The following SGCZ variants were observed in gnomAD, a reference collection of about 807,000 sequenced individuals.
SGCZ encodes zeta-sarcoglycan.
Under a neutral mutation model 41.3 loss-of-function variants are expected in SGCZ, and 40 were observed. The observed-to-expected ratio is 0.97, with a 90% CI of 0.75 to 1.26. The LOEUF is 1.26. Among genes scored for constraint, SGCZ ranks in the 50% most tolerant of loss-of-function variants. The probability of loss-of-function intolerance (pLI) is 0.00; values close to 1 mark genes in which losing one functional copy is unlikely to be tolerated. For synonymous variants in SGCZ, 206 were observed against 137.5 expected, an observed-to-expected ratio of 1.50 and a Z score of -3.49; for missense variants, 552 against 369.8, an observed-to-expected ratio of 1.49 and a Z score of -4.04.
At chr8:14,664,742 A>C (rs1807853585) in intron 1 of SGCZ, among the ~76,000 whole-genome samples, 1 of 152,228 alleles carries the variant, frequency 6.6e-6, no homozygotes, top group Admixed American at 6.5e-5. Flanking sequence ...ATCTAATATC[A>C]GCTGTTGACA....
intron 2 of SGCZ, among the ~76,000 whole-genome samples, chr8:14,433,328 G>A (rs1478640572): frequency 6.6e-6 from 1 of 152,118 alleles, no homozygotes; most frequent in Non-Finnish European, 1.5e-5. Context: ...TGTCCACTCT[G>A]TGCTAGATAT....
At chr8:14,942,409 T>A (rs1397095913) in intron 1 of SGCZ, among the ~76,000 whole-genome samples, 1 of 152,158 alleles carries the variant, frequency 6.6e-6, no homozygotes, top group Non-Finnish European at 1.5e-5. Flanking sequence ...AGTTAGCAAT[T>A]AATTCCTGGG....
intron 1 of SGCZ, among the ~76,000 whole-genome samples, chr8:14,570,387 A>C (rs1804514224): frequency 6.6e-6 from 1 of 152,126 alleles, no homozygotes. Flanking sequence ...TGAAATCTTA[A>C]ATTTCAATAC....
intron 2 of SGCZ, among the ~76,000 whole-genome samples, chr8:14,514,829 A>G (rs975888789): frequency 1.9e-4 from 28 of 147,522 alleles, no homozygotes; most frequent in African/African-American, 6.6e-4. Flanking sequence ...ATACACGCAC[A>G]CACACACACA....
intron 2 of SGCZ, among the ~76,000 whole-genome samples, chr8:14,473,468 C>T (rs947033513): frequency 6.6e-6 from 1 of 152,064 alleles, no homozygotes; most frequent in Non-Finnish European, 1.5e-5. Flanking sequence ...AGAAAGTATA[C>T]ATAACATTAA....
At chr8:15,079,209 C>G (rs1805654315) in intron 1 of SGCZ, among the ~76,000 whole-genome samples, 1 of 152,136 alleles carries the variant, frequency 6.6e-6, no homozygotes, top group African/African-American at 2.4e-5. Flanking sequence ...GTATTCACTA[C>G]CAGTCTTTAT....
chr8:14,100,563 T>C (rs1343400714), intron 7 of SGCZ, among the ~76,000 whole-genome samples: 1 of 107,128 alleles, frequency 9.3e-6, no homozygotes, highest in Non-Finnish European at 2.0e-5. Flanking sequence ...TAATATATTA[T>C]ATATTAATAT....
At chr8:14,444,599 G>A (rs570995032) in intron 2 of SGCZ, among the ~76,000 whole-genome samples, 24 of 150,130 alleles carry the variant, frequency 1.6e-4, no homozygotes, top group African/African-American at 5.6e-4. Flanking sequence ...ACTCACAGGT[G>A]GGAATTGAAA....
At chr8:14,119,941 A>G (rs551780605) in intron 5 of SGCZ, among the ~76,000 whole-genome samples, 22 of 152,130 alleles carry the variant, frequency 1.4e-4, no homozygotes, top group Non-Finnish European at 2.5e-4. Flanking sequence ...AAACTTTTTG[A>G]TGTGCTGCTA....
intron 3 of SGCZ, among the ~76,000 whole-genome samples, chr8:14,277,219 C>A (rs886487187): frequency 2.0e-5 from 3 of 152,144 alleles, no homozygotes; most frequent in Non-Finnish European, 4.4e-5. Context: ...GTCCCCATTA[C>A]TGTCTTCTAT....
intron 1 of SGCZ, among the ~76,000 whole-genome samples, chr8:14,987,971 T>C (rs1256483332): frequency 6.6e-6 from 1 of 151,990 alleles, no homozygotes; most frequent in Non-Finnish European, 1.5e-5. Context: ...ACAGAGTGAA[T>C]TTAATTACAA....
chr8:14,768,771 A>G (rs991867904), intron 1 of SGCZ, among the ~76,000 whole-genome samples: 1 of 151,978 alleles, frequency 6.6e-6, no homozygotes, highest in Non-Finnish European at 1.5e-5. Flanking sequence ...TGCACTCATC[A>G]TTCAGAAAGC....
rs113536498 is a variant in SGCZ at position 14,695,695 on chromosome 8, G to GCACA, written c.40-140773_40-140770dup. The stretch of plus-strand genomic sequence containing the variant: ...ATTTACACAAATTAAACATGCACAC[G>GCACA]CACACACACACACACACAAACCAAC... On this transcript the variant is annotated intron_variant, in intron 1 of 7. Coordinates refer to ENST00000382080, the MANE Select transcript of SGCZ (RefSeq NM_139167.4). Among the ~76,000 whole-genome samples the GCACA allele has an allele frequency of 3.6e-3, 454 of 124,932 alleles. 3 individuals are homozygous for GCACA. The highest frequency in any genetic ancestry group is 0.011 in the African/African-American group (436 of 38,688). 82.0% of individuals were successfully genotyped at this position (124,932 alleles called of 152,430 possible). A position where few individuals can be genotyped will look rare whatever the true frequency, so the allele number is the denominator to read the frequency against.
intron 1 of SGCZ, among the ~76,000 whole-genome samples, chr8:14,773,021 T>A (rs1585248127): frequency 6.6e-6 from 1 of 152,172 alleles, no homozygotes; most frequent in East Asian, 1.9e-4. Flanking sequence ...CCACAATGGT[T>A]GAACTAGCTT....
intron 3 of SGCZ, among the ~76,000 whole-genome samples, chr8:14,293,093 C>T (rs1206465471): frequency 6.6e-6 from 1 of 151,832 alleles, no homozygotes; most frequent in Non-Finnish European, 1.5e-5. Flanking sequence ...CAAAAGTGAT[C>T]TAAAAAGTAC....
At chr8:15,202,400 T>C (rs1463031624) in intron 1 of SGCZ, among the ~76,000 whole-genome samples, 1 of 152,158 alleles carries the variant, frequency 6.6e-6, no homozygotes, top group Non-Finnish European at 1.5e-5. Context: ...AACTCAGGAA[T>C]GGAAAGCCAA....
chr8:15,111,023 A>G (rs1338766087), intron 1 of SGCZ, among the ~76,000 whole-genome samples: 1 of 152,138 alleles, frequency 6.6e-6, no homozygotes, highest in Non-Finnish European at 1.5e-5. Context: ...ATAACCAACA[A>G]TGAGTCCTGC....
chr8:14,379,754 A>C (rs1804289218), intron 2 of SGCZ, among the ~76,000 whole-genome samples: 1 of 151,952 alleles, frequency 6.6e-6, no homozygotes, highest in African/African-American at 2.4e-5. Context: ...ATTTTGGAGA[A>C]AGAGTCTTAC....
At chr8:14,951,204 T>G (rs4607611) in intron 1 of SGCZ, among the ~76,000 whole-genome samples, 46,367 of 151,852 alleles carry the variant, frequency 0.31, 7,812 homozygotes, top group South Asian at 0.38. Context: ...CTCAATCATA[T>G]TTGTTATGCT....
Sources: gnomAD v4.1 joint callset for allele counts (sites outside exome capture counted in the v4.1 genomes callset) on GRCh38, gnomAD v4.1.1 for gene constraint, MANE v1.5 for transcripts, NCBI Gene and HGNC (gene_info 2026-07-23, HGNC 2026-07-21) for gene names.